CHKA: variants seen among roughly 807,000 people sequenced by gnomAD.
CHKA encodes CHETK-alpha.
A neutral mutation model predicts 60.1 loss-of-function variants in CHKA; 34 were observed. The observed-to-expected ratio is 0.57, with a 90% CI of 0.43 to 0.75. The LOEUF (loss-of-function observed/expected upper bound fraction) is 0.75. Ranked by LOEUF, CHKA falls within the 30% of genes least tolerant of loss-of-function variation. The pLI, the probability that CHKA is intolerant of heterozygous loss-of-function variation, is 0.00. For synonymous variants in CHKA, 217 were observed against 223.1 expected (o/e 0.97, Z 0.24); for missense variants, 563 against 561.3 (o/e 1.00, Z -0.03).
intron 2 of CHKA, among the ~76,000 whole-genome samples, chr11:68,092,181 C>T (rs559336330): frequency 6.6e-6 from 1 of 152,202 alleles, no homozygotes; most frequent in Non-Finnish European, 1.5e-5. Flanking sequence ...TTGAGTCATA[C>T]TATATTTAAT....
chr11:68,106,827 C>T (rs117546563), intron 1 of CHKA, among the ~76,000 whole-genome samples: 201 of 152,306 alleles, frequency 1.3e-3, no homozygotes, highest in Non-Finnish European at 2.3e-3. Context: ...TCAGCCTTGA[C>T]GCTTTGTATC....
At chr11:68,069,344 G>T (rs550552650) in intron 6 of CHKA, among the ~76,000 whole-genome samples, 1 of 152,250 alleles carries the variant, frequency 6.6e-6, no homozygotes, top group South Asian at 2.1e-4. Flanking sequence ...TCCCTCAGCA[G>T]CGATCATCAA....
chr11:68,056,578 T>C (rs1856023482), intron 11 of CHKA, among the ~76,000 whole-genome samples: 1 of 151,908 alleles, frequency 6.6e-6, no homozygotes, highest in African/African-American at 2.4e-5. Context: ...GTTTGGGGAG[T>C]TTCTAGAGAA....
chr11:68,056,505 G>A (rs1023112124), intron 11 of CHKA, among the ~76,000 whole-genome samples: 5 of 152,142 alleles, frequency 3.3e-5, no homozygotes, highest in Admixed American at 2.0e-4. Context: ...ATTTCAACAC[G>A]GTTGTCCACA....
intron 1 of CHKA, among the ~76,000 whole-genome samples, chr11:68,106,659 T>C (rs1377597573): frequency 1.3e-5 from 2 of 152,126 alleles, no homozygotes; most frequent in African/African-American, 2.4e-5. Flanking sequence ...CATAAAACAA[T>C]GTAGCAGTAT....
intron 1 of CHKA, among the ~76,000 whole-genome samples, chr11:68,104,506 C>T (rs1372093644): frequency 3.9e-5 from 6 of 151,988 alleles, no homozygotes; most frequent in African/African-American, 9.7e-5. Context: ...CCGCAACCTC[C>T]GCCTCTCAGG....
chr11:68,113,183 C>T (rs1291569868), intron 1 of CHKA, among the ~76,000 whole-genome samples: 1 of 150,566 alleles, frequency 6.6e-6, no homozygotes, highest in East Asian at 1.9e-4. Context: ...GTGGCATGCC[C>T]CTATAGTCCC....
At chr11:68,056,943 C>T (rs1470285881) in intron 11 of CHKA, among the ~76,000 whole-genome samples, 1 of 152,168 alleles carries the variant, frequency 6.6e-6, no homozygotes, top group Non-Finnish European at 1.5e-5. Context: ...GTGGGAACTC[C>T]AATATATGGC....
chr11:68,097,192 G>C, intron 1 of CHKA, 62 bp from the exon 2 acceptor site: 1 of 1,225,342 alleles, frequency 8.2e-7, no homozygotes. Context: ...ACTCTTCTTG[G>C]ATAAATATGG....
At chr11:68,073,418 C>T (rs1313573918) in intron 4 of CHKA, among the ~76,000 whole-genome samples, 1 of 152,128 alleles carries the variant, frequency 6.6e-6, no homozygotes, top group Non-Finnish European at 1.5e-5. Flanking sequence ...CTTTGGGAGG[C>T]CAAGGCGGGT....
chr11:68,086,607 C>T (rs1857184162), intron 2 of CHKA, among the ~76,000 whole-genome samples: 1 of 152,216 alleles, frequency 6.6e-6, no homozygotes, highest in Non-Finnish European at 1.5e-5. Context: ...CAAAGCAGCA[C>T]CTCAGTTTTC....
chr11:68,086,040 C>G (rs1242858461), intron 2 of CHKA, among the ~76,000 whole-genome samples: 9 of 152,186 alleles, frequency 5.9e-5, no homozygotes, highest in Non-Finnish European at 1.2e-4. Flanking sequence ...ATGGGCCAGG[C>G]ACGGTGGCTC....
At chr11:68,087,624 GA>G (rs1188962464) in intron 2 of CHKA, among the ~76,000 whole-genome samples, 1 of 151,688 alleles carries the variant, frequency 6.6e-6, no homozygotes. Context: ...TTTTTTAATA[GA>G]AAAAAAGAAA....
chr11:68,091,756 A>T (rs1270978391), intron 2 of CHKA, among the ~76,000 whole-genome samples: 2 of 152,220 alleles, frequency 1.3e-5, no homozygotes, highest in Non-Finnish European at 2.9e-5. Flanking sequence ...ATGAAGAAAA[A>T]TGAGAAAGTT....
At chr11:68,084,821 T>C (rs199618547) in intron 2 of CHKA, among the ~76,000 whole-genome samples, 1 of 152,040 alleles carries the variant, frequency 6.6e-6, no homozygotes, top group Admixed American at 6.6e-5. Context: ...AGACTGGCTG[T>C]GAGGGGAAGA....
At chr11:68,072,714 G>GT (rs1285865402) in intron 4 of CHKA, among the ~76,000 whole-genome samples, 2 of 152,074 alleles carry the variant, frequency 1.3e-5, no homozygotes, top group Non-Finnish European at 2.9e-5. Context: ...CACTATGGCT[G>GT]GGTGCAGTGG....
intron 1 of CHKA, among the ~76,000 whole-genome samples, chr11:68,109,926 T>C (rs1248574768): frequency 1.3e-5 from 2 of 152,146 alleles, no homozygotes; most frequent in Admixed American, 6.6e-5. Context: ...CACTCCAGTG[T>C]GGGTGACAGA....
chr11:68,080,946 G>A (rs1392621764), intron 3 of CHKA, among the ~76,000 whole-genome samples: 1 of 152,206 alleles, frequency 6.6e-6, no homozygotes, highest in Non-Finnish European at 1.5e-5. Context: ...TTTCCAACTT[G>A]GGTATCATCC....
rs539169773 is a variant in CHKA at position 68,054,073 on chromosome 11, C to T, written c.1315-26G>A. Reference sequence around the variant, plus strand: ...CTAGGAGACAGCAAAGAGAAGGCCTCAGCAAGGAATCCTGCTGGCCTGAAC... The same window carrying T: ...CTAGGAGACAGCAAAGAGAAGGCCTTAGCAAGGAATCCTGCTGGCCTGAAC... On this transcript the variant is annotated intron_variant, in intron 11 of 11. Transcript: ENST00000265689. 1.1e-5 allele frequency: 17 copies of T among 1,602,352 alleles called. No homozygotes were observed. The South Asian group carries it at 1.9e-4, about 18-fold the overall frequency.
Sources: gnomAD v4.1 joint callset for allele counts (sites outside exome capture counted in the v4.1 genomes callset) on GRCh38, gnomAD v4.1.1 for gene constraint, MANE v1.5 for transcripts, NCBI Gene and HGNC (gene_info 2026-07-23, HGNC 2026-07-21) for gene names.